The following THSD7B variants were observed in gnomAD, a reference collection of about 807,000 sequenced individuals.
THSD7B encodes the protein thrombospondin type 1 domain containing 7B, also known as thrombospondin type-1 domain-containing protein 7B.
Under a neutral mutation model 213.6 loss-of-function variants are expected in THSD7B, and 138 were observed. The observed-to-expected ratio is 0.65, with a 90% CI of 0.56 to 0.74. The LOEUF is 0.74. Ranked by LOEUF, THSD7B falls within the 30% of genes least tolerant of loss-of-function variation. The pLI is 0.00. For synonymous variants in THSD7B, 742 were observed against 687.0 expected (o/e 1.08, Z -1.25); for missense variants, 1,931 against 1,991.5 (o/e 0.97, Z 0.58).
intron 9 of THSD7B, among the ~76,000 whole-genome samples, chr2:137,234,780 G>A (rs1439022818): frequency 6.6e-6 from 1 of 152,126 alleles, no homozygotes; most frequent in Non-Finnish European, 1.5e-5. Context: ...GGAAGTGTAT[G>A]TTTATCTTTT....
chr2:137,346,794 T>A (rs1684885512), intron 12 of THSD7B, among the ~76,000 whole-genome samples: 1 of 151,770 alleles, frequency 6.6e-6, no homozygotes, highest in Non-Finnish European at 1.5e-5. Flanking sequence ...TTTGTGTGTA[T>A]GTACTACATT....
chr2:137,423,493 A>G (rs1686972500), intron 14 of THSD7B, among the ~76,000 whole-genome samples: 1 of 152,098 alleles, frequency 6.6e-6, no homozygotes, highest in South Asian at 2.1e-4. Flanking sequence ...CTATACACTA[A>G]CAATGAACAA....
intron 1 of THSD7B, among the ~76,000 whole-genome samples, chr2:136,847,539 G>T (rs950243164): frequency 1.3e-5 from 2 of 152,108 alleles, no homozygotes; most frequent in Non-Finnish European, 2.9e-5. Context: ...AGAAAAAGCT[G>T]ACTATATATC....
intron 12 of THSD7B, among the ~76,000 whole-genome samples, chr2:137,305,328 C>T (rs1484394527): frequency 2.0e-5 from 3 of 152,066 alleles, no homozygotes; most frequent in Non-Finnish European, 2.9e-5. Context: ...ACTGGTCAAT[C>T]AGTCTTTGTA....
intron 12 of THSD7B, among the ~76,000 whole-genome samples, chr2:137,278,790 C>A (rs1050978721): frequency 6.6e-6 from 1 of 152,030 alleles, no homozygotes; most frequent in African/African-American, 2.4e-5. Flanking sequence ...TACTGAGAAG[C>A]ATTTCATAGG....
chr2:137,453,964 G>T (rs1687708298), intron 15 of THSD7B, among the ~76,000 whole-genome samples: 1 of 152,076 alleles, frequency 6.6e-6, no homozygotes, highest in African/African-American at 2.4e-5. Flanking sequence ...AGGTTGAATA[G>T]TATCCCATTG....
At chr2:137,575,742 A>ATATATATATATATATATATATATT (rs1235744133) in intron 17 of THSD7B, among the ~76,000 whole-genome samples, 2,603 of 146,696 alleles carry the variant, frequency 0.018, 39 homozygotes, top group Non-Finnish European at 0.03. Context: ...ATATATATAT[A>ATATATATATATATATATATATATT]TTTTTACTTT....
At chr2:137,086,170 C>T (rs573464133) in intron 3 of THSD7B, among the ~76,000 whole-genome samples, 1 of 152,180 alleles carries the variant, frequency 6.6e-6, no homozygotes, top group South Asian at 2.1e-4. Context: ...AACCCCTTCT[C>T]TACTGAGAAT....
chr2:136,788,360 G>T (rs1489973544), intron 1 of THSD7B, among the ~76,000 whole-genome samples: 1 of 152,212 alleles, frequency 6.6e-6, no homozygotes, highest in African/African-American at 2.4e-5. Flanking sequence ...CTGAAAGTGT[G>T]CTGGGACTTT....
intron 12 of THSD7B, among the ~76,000 whole-genome samples, chr2:137,403,471 T>G (rs894574303): frequency 1.3e-5 from 2 of 152,202 alleles, no homozygotes; most frequent in Non-Finnish European, 2.9e-5. Context: ...CTGTGGTCTT[T>G]TTGTTCCTTT....
intron 10 of THSD7B, among the ~76,000 whole-genome samples, chr2:137,269,201 G>A (rs551402811): frequency 6.6e-6 from 1 of 152,192 alleles, no homozygotes; most frequent in South Asian, 2.1e-4. Context: ...TTTCTCCTCT[G>A]GAAAATCTTA....
At chr2:137,619,551 A>G (rs1682474044) in intron 19 of THSD7B, among the ~76,000 whole-genome samples, 1 of 152,210 alleles carries the variant, frequency 6.6e-6, no homozygotes, top group Non-Finnish European at 1.5e-5. Flanking sequence ...TATTTTATTT[A>G]ATCAGCCTCT....
At chr2:137,578,441 A>G (rs75610414) in intron 17 of THSD7B, among the ~76,000 whole-genome samples, 8,123 of 152,298 alleles carry the variant, frequency 0.053, 282 homozygotes, top group Middle Eastern at 0.082. Context: ...TTTCAATTTC[A>G]TGTAGTGTGA....
At chr2:137,614,424 T>C (rs16839159) in intron 17 of THSD7B, among the ~76,000 whole-genome samples, 2 of 152,146 alleles carry the variant, frequency 1.3e-5, no homozygotes, top group Non-Finnish European at 2.9e-5. Flanking sequence ...ACTAAGCAGG[T>C]ACCTAAGCCT....
intron 12 of THSD7B, among the ~76,000 whole-genome samples, chr2:137,374,440 C>T (rs542130303): frequency 5.3e-5 from 8 of 152,258 alleles, no homozygotes; most frequent in East Asian, 3.9e-4. Flanking sequence ...TTAGCACTCA[C>T]TTATAAAGTT....
intron 21 of THSD7B, among the ~76,000 whole-genome samples, chr2:137,654,293 A>G (rs1409905877): frequency 6.6e-6 from 1 of 150,384 alleles, no homozygotes; most frequent in African/African-American, 2.4e-5. Context: ...TGTGAAACCA[A>G]CCTCCTACAG....
intron 6 of THSD7B, among the ~76,000 whole-genome samples, chr2:137,168,412 G>A (rs1680176740): frequency 6.6e-6 from 1 of 152,204 alleles, no homozygotes; most frequent in Non-Finnish European, 1.5e-5. Flanking sequence ...GGCATGAACA[G>A]CGATGTGTGA....
At chr2:137,116,845 A>G (rs148683111) in intron 5 of THSD7B, among the ~76,000 whole-genome samples, 99 of 152,276 alleles carry the variant, frequency 6.5e-4, no homozygotes, top group African/African-American at 2.3e-3. Flanking sequence ...AGAGTGAGCA[A>G]TCTATCAAGC....
At chr2:136,882,853 C>T (rs770261802) in intron 2 of THSD7B, among the ~76,000 whole-genome samples, 3 of 152,066 alleles carry the variant, frequency 2.0e-5, no homozygotes, top group Non-Finnish European at 4.4e-5. Flanking sequence ...ATGCATTATC[C>T]TTTATGTATA....
Sources: gnomAD v4.1 joint callset for allele counts (sites outside exome capture counted in the v4.1 genomes callset) on GRCh38, gnomAD v4.1.1 for gene constraint, MANE v1.5 for transcripts, NCBI Gene and HGNC (gene_info 2026-07-23, HGNC 2026-07-21) for gene names.